The following BTBD16 variants were observed in gnomAD, a reference collection of about 807,000 sequenced individuals.
BTBD16 encodes the protein BTB/POZ domain-containing protein 16.
In BTBD16, 66 loss-of-function variants were observed where a neutral mutation model predicts 67.4. That is an observed-to-expected ratio of 0.98 (90% CI 0.80 to 1.20). The LOEUF (loss-of-function observed/expected upper bound fraction) is 1.20, where lower values mean the gene tolerates loss of function less well. Ranked by LOEUF, BTBD16 falls within the 50% of genes most tolerant of loss-of-function variation. The pLI, the probability that BTBD16 is intolerant of heterozygous loss-of-function variation, is 0.00. For missense variants in BTBD16, 634 were observed against 616.0 expected, an observed-to-expected ratio of 1.03 and a Z score of -0.31; for synonymous variants, 242 against 236.4, an observed-to-expected ratio of 1.02 and a Z score of -0.22.
intron 4 of BTBD16, among the ~76,000 whole-genome samples, chr10:122,284,520 G>C (rs2096359573): frequency 6.6e-6 from 1 of 152,020 alleles, no homozygotes; most frequent in African/African-American, 2.4e-5. Flanking sequence ...GCTGTTCTTT[G>C]TCTCTTTGGG....
rs2096466147 is a variant in BTBD16, at chr10:122,338,108, G to A, written c.*23G>A. ...TGACAGTTTCCAGAAGAATCTATGG[G>A]ATTTTCCCCCCACTGGTCTGCATAA... is the stretch of plus-strand genomic sequence containing the variant. On this transcript the variant is annotated 3_prime_UTR_variant, in exon 16 of 16. Coordinates refer to ENST00000260723, the MANE Select transcript of BTBD16 (RefSeq NM_144587.5). 1 of 1,543,288 alleles carries A rather than the reference G, an allele frequency of 6.5e-7. No homozygotes were observed. Among genetic ancestry groups the A allele is most frequent in the Non-Finnish European group, 9.0e-7 (1 of 1,116,272 alleles).
intron 10 of BTBD16, among the ~76,000 whole-genome samples, chr10:122,324,602 G>A (rs1404563003): frequency 6.6e-6 from 1 of 152,174 alleles, no homozygotes. Context: ...TTCTCTTTTA[G>A]AATAGCTCAA....
chr10:122,316,417 G>A (rs1217129361), intron 10 of BTBD16, among the ~76,000 whole-genome samples: 1 of 152,116 alleles, frequency 6.6e-6, no homozygotes, highest in African/African-American at 2.4e-5. Context: ...ATGCGTCACT[G>A]AACAACTAGG....
chr10:122,330,339 A>G (rs1364910726), intron 11 of BTBD16, among the ~76,000 whole-genome samples: 1 of 152,220 alleles, frequency 6.6e-6, no homozygotes, highest in Non-Finnish European at 1.5e-5. Context: ...GGGGAAAAAA[A>G]TAAAAATAGA....
intron 3 of BTBD16, among the ~76,000 whole-genome samples, chr10:122,277,156 ATTT>A (rs34246262): frequency 2.8e-3 from 380 of 134,284 alleles, no homozygotes; most frequent in Admixed American, 3.4e-3. Context: ...GAAAGATTGA[ATTT>A]TTTTTTTTTT....
chr10:122,314,582 C>T (rs566655261), intron 10 of BTBD16, among the ~76,000 whole-genome samples: 242 of 152,194 alleles, frequency 1.6e-3, no homozygotes, highest in Non-Finnish European at 2.6e-3. Context: ...GCTCATCTTC[C>T]GTTGTATTTA....
intron 4 of BTBD16, among the ~76,000 whole-genome samples, chr10:122,284,318 A>C (rs541119104): frequency 6.6e-6 from 1 of 152,110 alleles, no homozygotes; most frequent in Non-Finnish European, 1.5e-5. Flanking sequence ...TTGTAGTGGC[A>C]TGCACATGTA....
chr10:122,327,150 G>A (rs6585811), intron 10 of BTBD16, among the ~76,000 whole-genome samples: 84,112 of 151,990 alleles, frequency 0.55, 23,632 homozygotes, highest in East Asian at 0.87. Flanking sequence ...TCCCAGAGCC[G>A]GGTTATATTG....
chr10:122,280,997 G>A (rs2096351733), intron 3 of BTBD16, among the ~76,000 whole-genome samples: 1 of 151,986 alleles, frequency 6.6e-6, no homozygotes, highest in African/African-American at 2.4e-5. Context: ...TGTAGAGATG[G>A]GGTCTCTCTA....
At chr10:122,335,286 A>G (rs907330290) in intron 14 of BTBD16, among the ~76,000 whole-genome samples, 1 of 152,210 alleles carries the variant, frequency 6.6e-6, no homozygotes, top group Non-Finnish European at 1.5e-5. Flanking sequence ...AGCTCACTTC[A>G]TCTTCAATTT....
intron 10 of BTBD16, chr10:122,328,762 T>C (rs1191813337): frequency 2.0e-6 from 2 of 985,286 alleles, no homozygotes; most frequent in African/African-American, 3.5e-5. Context: ...GTGAGTTATT[T>C]CAAAAGAAGG....
chr10:122,314,314 G>A (rs919172165), intron 10 of BTBD16, among the ~76,000 whole-genome samples: 1 of 152,048 alleles, frequency 6.6e-6, no homozygotes, highest in South Asian at 2.1e-4. Flanking sequence ...GACCAGCCTG[G>A]GCAACATAGT....
Position 122,336,534 on chromosome 10 carries a change from A to G in BTBD16, c.1304A>G (p.Tyr435Cys), listed in dbSNP as rs750455839. Residue 435 changes from tyrosine to cysteine, a missense_variant, in exon 15 of 16, where the codon TAC becomes TGC. Tyr to Cys is a radical substitution (Grantham distance 194). Transcript: ENST00000260723. ...HTDLESPSAVYEHNHVSLRAA... is the reference protein window; with the variant it reads ...HTDLESPSAVCEHNHVSLRAA... The stretch of plus-strand genomic sequence containing the variant: ...GACCTGGAATCTCCCTCTGCGGTCT[A>G]CGAGCACAACCACGTCAGCCTGCGA... 1.2e-4 allele frequency: 192 copies of G among 1,612,124 alleles called. No individual in the cohort carries two copies. Among genetic ancestry groups the G allele is most frequent in the Non-Finnish European group, 1.6e-4 (184 of 1,179,244 alleles).
At chr10:122,331,069 T>A (rs1476584538) in intron 11 of BTBD16, 107 bp from the exon 12 acceptor site, 9 of 1,460,676 alleles carry the variant, frequency 6.2e-6, no homozygotes, top group Non-Finnish European at 6.4e-6. Context: ...TCCACCCCTT[T>A]CCCTTCCCTC....
At chr10:122,301,154 G>T (rs927860298) in intron 9 of BTBD16, among the ~76,000 whole-genome samples, 12 of 151,966 alleles carry the variant, frequency 7.9e-5, no homozygotes, top group Non-Finnish European at 1.2e-4. Flanking sequence ...CAAAGGTTGC[G>T]CAATTGTTGA....
intron 3 of BTBD16, among the ~76,000 whole-genome samples, chr10:122,280,564 TTATA>T (rs10559219): frequency 0.56 from 83,252 of 148,460 alleles, 24,233 homozygotes; most frequent in East Asian, 0.89. Context: ...TATTTTTATA[TTATA>T]TTATATTATA....
chr10:122,276,801 G>A lies in BTBD16; in HGVS notation c.29G>A (p.Arg10Gln), dbSNP rs376150771. Residue 10 changes from arginine to glutamine, a missense_variant, in exon 3 of 16, where the codon CGG becomes CAG. Coordinates refer to ENST00000260723, the MANE Select transcript of BTBD16 (RefSeq NM_144587.5). ...TTGATTACCAAGCAGCACAAAGCTCGGCTGGAACGCCGGGTCACTGGCTCA... is the reference window on the plus strand; with the variant it reads ...TTGATTACCAAGCAGCACAAAGCTCAGCTGGAACGCCGGGTCACTGGCTCA... The part of the protein sequence containing the change: MIMSNTHKA[R>Q]LERRVTGSTN... 1.2e-5 allele frequency: 20 copies of A among 1,614,006 alleles called. No individual in the cohort carries two copies. Among genetic ancestry groups the A allele is most frequent in the African/African-American group, 4.0e-5 (3 of 74,944 alleles).
At chr10:122,277,160 T>TTTTTTTTC (rs1554886305) in intron 3 of BTBD16, among the ~76,000 whole-genome samples, 4 of 145,106 alleles carry the variant, frequency 2.8e-5, no homozygotes, top group African/African-American at 1.1e-4. Flanking sequence ...GATTGAATTT[T>TTTTTTTTC]TTTTTTTTTT....
chr10:122,303,858 T>C (rs60834006), intron 9 of BTBD16, among the ~76,000 whole-genome samples: 5,509 of 152,226 alleles, frequency 0.036, 316 homozygotes, highest in African/African-American at 0.13. Flanking sequence ...ATGTCTTTGG[T>C]GTGGTTATCT....
Sources: gnomAD v4.1 joint callset for allele counts (sites outside exome capture counted in the v4.1 genomes callset) on GRCh38, gnomAD v4.1.1 for gene constraint, MANE v1.5 for transcripts, NCBI Gene and HGNC (gene_info 2026-07-23, HGNC 2026-07-21) for gene names.